The following PLXDC2 variants were observed in gnomAD, a reference collection of about 807,000 sequenced individuals.
The protein encoded by PLXDC2 is plexin domain containing 2.
In PLXDC2, 40 loss-of-function variants were observed where a neutral mutation model predicts 68.9. That is an observed-to-expected ratio of 0.58 (90% CI 0.45 to 0.76). PLXDC2 has a LOEUF of 0.76. Ranked by LOEUF, PLXDC2 falls within the 30% of genes least tolerant of loss-of-function variation. PLXDC2 has a pLI of 0.00. For synonymous variants in PLXDC2, 243 were observed against 234.2 expected, an observed-to-expected ratio of 1.04 and a Z score of -0.34; for missense variants, 644 against 661.9, an observed-to-expected ratio of 0.97 and a Z score of 0.30.
chr10:20,171,285 C>T (rs182599011), intron 7 of PLXDC2, among the ~76,000 whole-genome samples: 7 of 152,240 alleles, frequency 4.6e-5, no homozygotes, highest in Admixed American at 2.0e-4. Flanking sequence ...ACAGATCAAT[C>T]GACAGATCTC....
At chr10:19,844,182 G>A (rs747637607) in intron 1 of PLXDC2, among the ~76,000 whole-genome samples, 11 of 152,164 alleles carry the variant, frequency 7.2e-5, no homozygotes, top group Non-Finnish European at 1.5e-4. Context: ...CTTGCAGAAC[G>A]TTTTTTGACG....
intron 1 of PLXDC2, among the ~76,000 whole-genome samples, chr10:19,960,308 A>G (rs1187336970): frequency 6.6e-6 from 1 of 152,064 alleles, no homozygotes; most frequent in Non-Finnish European, 1.5e-5. Flanking sequence ...AGGTCACAGT[A>G]AACTGTGATC....
intron 6 of PLXDC2, among the ~76,000 whole-genome samples, chr10:20,152,153 A>T (rs1176620704): frequency 6.6e-6 from 1 of 152,080 alleles, no homozygotes; most frequent in Non-Finnish European, 1.5e-5. Context: ...CAATAGCATA[A>T]TTTTTTTGCA....
intron 1 of PLXDC2, among the ~76,000 whole-genome samples, chr10:19,855,750 G>C (rs1400775580): frequency 6.6e-6 from 1 of 152,018 alleles, no homozygotes; most frequent in East Asian, 1.9e-4. Context: ...CTAATATAAT[G>C]GGCATAGTTT....
intron 1 of PLXDC2, among the ~76,000 whole-genome samples, chr10:19,979,700 GTTGTTTGGGGTT>G (rs1834518651): frequency 6.6e-6 from 1 of 152,142 alleles, no homozygotes; most frequent in South Asian, 2.1e-4. Context: ...TATCACCTGA[GTTGTTTGGGGTT>G]TTGTTTTCCT....
intron 1 of PLXDC2, among the ~76,000 whole-genome samples, chr10:19,862,191 T>A (rs2131335799): frequency 6.6e-6 from 1 of 152,336 alleles, no homozygotes; most frequent in Admixed American, 6.5e-5. Flanking sequence ...CAAAATTATT[T>A]AAACTAAAGT....
intron 2 of PLXDC2, among the ~76,000 whole-genome samples, chr10:20,037,757 A>G (rs536630319): frequency 1.3e-5 from 2 of 152,328 alleles, no homozygotes; most frequent in East Asian, 3.9e-4. Context: ...TCATGGCCAT[A>G]TAGCTCACCC....
chr10:19,897,227 C>CTTTTTTTT (rs558204823), intron 1 of PLXDC2, among the ~76,000 whole-genome samples: 2 of 139,966 alleles, frequency 1.4e-5, no homozygotes. Context: ...ATTCCCTTCT[C>CTTTTTTTT]TTTTTTTTTT....
intron 1 of PLXDC2, among the ~76,000 whole-genome samples, chr10:19,964,247 G>T (rs1405258386): frequency 6.6e-6 from 1 of 152,160 alleles, no homozygotes; most frequent in Non-Finnish European, 1.5e-5. Context: ...ATTCTGGGGA[G>T]CCGGCTCCAA....
chr10:20,011,534 T>C (rs1835115120), intron 2 of PLXDC2, among the ~76,000 whole-genome samples: 1 of 152,204 alleles, frequency 6.6e-6, no homozygotes, highest in Non-Finnish European at 1.5e-5. Context: ...CTCATGTCCC[T>C]GTGGGGGCCA....
intron 1 of PLXDC2, among the ~76,000 whole-genome samples, chr10:19,862,053 A>G (rs1397085618): frequency 1.3e-5 from 2 of 152,232 alleles, no homozygotes; most frequent in Non-Finnish European, 2.9e-5. Context: ...TTCACATAGG[A>G]GATAAGGAAA....
intron 2 of PLXDC2, among the ~76,000 whole-genome samples, chr10:20,015,633 G>C (rs1018616820): frequency 6.6e-6 from 1 of 152,030 alleles, no homozygotes; most frequent in African/African-American, 2.4e-5. Flanking sequence ...TCTCCAGTTT[G>C]TGGCTCTGGA....
intron 3 of PLXDC2, among the ~76,000 whole-genome samples, chr10:20,048,657 T>C (rs963549065): frequency 4.6e-5 from 7 of 152,114 alleles, no homozygotes; most frequent in African/African-American, 1.4e-4. Context: ...CCACTATGGG[T>C]GACATCTATA....
At chr10:20,134,827 C>T (rs920777447) in intron 4 of PLXDC2, among the ~76,000 whole-genome samples, 4 of 152,038 alleles carry the variant, frequency 2.6e-5, no homozygotes, top group South Asian at 2.1e-4. Flanking sequence ...GTCACATGGG[C>T]CAGCCTGGAG....
At chr10:19,992,904 A>T (rs539329131) in intron 1 of PLXDC2, among the ~76,000 whole-genome samples, 1 of 152,082 alleles carries the variant, frequency 6.6e-6, no homozygotes, top group African/African-American at 2.4e-5. Flanking sequence ...TTCTTGTGTT[A>T]TATCACTAGG....
At chr10:20,155,641 G>T (rs1834206977) in intron 6 of PLXDC2, among the ~76,000 whole-genome samples, 1 of 152,038 alleles carries the variant, frequency 6.6e-6, no homozygotes. Flanking sequence ...TATCTACACA[G>T]CTTCATGTGG....
intron 9 of PLXDC2, among the ~76,000 whole-genome samples, chr10:20,206,139 A>G (rs1272485924): frequency 1.3e-5 from 2 of 152,134 alleles, no homozygotes; most frequent in Non-Finnish European, 1.5e-5. Context: ...TACCTCATAA[A>G]TGTATACAAT....
chr10:20,275,185 C>G (rs756690539), intron 13 of PLXDC2, among the ~76,000 whole-genome samples: 28 of 151,028 alleles, frequency 1.9e-4, no homozygotes, highest in Non-Finnish European at 3.8e-4. Context: ...CACAAGGAAG[C>G]CTGAGGTTCA....
At chr10:20,193,087 C>T (rs879815634) in intron 9 of PLXDC2, among the ~76,000 whole-genome samples, 17 of 152,018 alleles carry the variant, frequency 1.1e-4, no homozygotes, top group Non-Finnish European at 1.9e-4. Context: ...CCTGGACATC[C>T]TCCAGTCATC....
Sources: gnomAD v4.1 joint callset for allele counts (sites outside exome capture counted in the v4.1 genomes callset) on GRCh38, gnomAD v4.1.1 for gene constraint, MANE v1.5 for transcripts, NCBI Gene and HGNC (gene_info 2026-07-23, HGNC 2026-07-21) for gene names.